The following MYOM2 variants were observed in gnomAD, a reference collection of about 807,000 sequenced individuals.
The protein encoded by MYOM2 is myomesin 2, also known as myomesin-2.
A neutral mutation model predicts 187.6 loss-of-function variants in MYOM2; 254 were observed. The observed-to-expected ratio is 1.35, with a 90% CI of 1.22 to 1.50. MYOM2 has a LOEUF of 1.50. Ranked by LOEUF, MYOM2 falls within the 40% of genes most tolerant of loss-of-function variation. The pLI is 0.00. For synonymous variants in MYOM2, 981 were observed against 753.8 expected, an observed-to-expected ratio of 1.30 and a Z score of -4.94; for missense variants, 2,796 against 1,924.0, an observed-to-expected ratio of 1.45 and a Z score of -8.48.
chr8:2,092,242 C>G, intron 15 of MYOM2, 104 bp from the exon 16 acceptor site: 3 of 1,360,714 alleles, frequency 2.2e-6, no homozygotes, highest in Non-Finnish European at 3.0e-6. Flanking sequence ...TCCAAAGCCC[C>G]CAGTCTGGCT....
chr8:2,085,463 CCA>C (rs1242578283), intron 14 of MYOM2, 73 bp downstream of exon 14: 39 of 1,532,768 alleles, frequency 2.5e-5, no homozygotes, highest in Middle Eastern at 1.9e-4. Context: ...TCTGCGTGGC[CCA>C]CCGCTGTCGT....
Position 2,085,395 on chromosome 8 carries a change from A to ACCTT in MYOM2, c.1644+6_1644+7insCTTC. 6.2e-7 allele frequency: 1 copy of ACCTT among 1,602,858 alleles called. No individual in the cohort carries two copies. Among genetic ancestry groups the ACCTT allele is most frequent in the Non-Finnish European group, 8.5e-7 (1 of 1,175,390 alleles). On this transcript the variant is annotated splice_donor_region_variant and intron_variant, in intron 14 of 36. Coordinates refer to ENST00000262113, the MANE Select transcript of MYOM2 (RefSeq NM_003970.4). ...CTCATGTACTTCATTGAGAAGGTAA[A>ACCTT]CTCCGGGCCCGTGTCCTGGAAAAGT...
Position 2,094,141 on chromosome 8 carries a change from T to C in MYOM2, c.2125+50T>C, listed in dbSNP as rs373870280. 4.4e-6 allele frequency: 7 copies of C among 1,598,660 alleles called. No individual in the cohort carries two copies. The African/African-American group carries it at 8.0e-5, about 18-fold the overall frequency. On this transcript the variant is annotated intron_variant, in intron 17 of 36. Transcript: ENST00000262113. ...TGCCGATTGCTCCCATACACTGTCA[T>C]TTCTGCATGAATAAACATTTGTGAT...
chr8:2,073,406 C>T lies in MYOM2; in HGVS notation c.1026C>T (p.Phe342=), dbSNP rs1819304109. 1 of 1,613,416 alleles carries T rather than the reference C, an allele frequency of 6.2e-7. No individual in the cohort carries two copies. ...GAGAAGGCCAGGCCTCCCTGTCCTT[C>T]AGCCACCTGCACAAGGACGACGAGG... ...FFGEGQASLS[F]SHLHKDDEGL... is the part of the protein sequence containing the mutation. Residue 342 remains phenylalanine, a synonymous_variant, in exon 10 of 37, where the codon TTC becomes TTT. Transcript: ENST00000262113.
rs536061720 is a variant in MYOM2 at position 2,082,708 on chromosome 8, A to C, written c.1517-2555A>C. ...CACAGAATATAATAAGAGCGTTTTT[A>C]CTCTACTGTTCTACTGTGTTATTCT... On this transcript the variant is annotated intron_variant, in intron 13 of 36. Transcript: ENST00000262113. Among the ~76,000 whole-genome samples, 5 of 152,168 alleles carry C rather than the reference A, an allele frequency of 3.3e-5. 1 individual carries two copies. In the South Asian group the frequency reaches 8.3e-4, roughly 25 times the overall value.
intron 12 of MYOM2, 88 bp downstream of exon 12, chr8:2,079,021 G>A (rs1476432856): frequency 6.9e-6 from 9 of 1,312,536 alleles, no homozygotes; most frequent in Non-Finnish European, 9.8e-6. Flanking sequence ...CTCCCAACTC[G>A]ATGTGAGCCC....
intron 18 of MYOM2, among the ~76,000 whole-genome samples, chr8:2,097,723 C>T (rs62478396): frequency 0.056 from 8,595 of 152,222 alleles, 333 homozygotes; most frequent in South Asian, 0.082. Flanking sequence ...CACCATGTTG[C>T]CCAGGTTGGT....
intron 35 of MYOM2, among the ~76,000 whole-genome samples, 173 bp downstream of exon 35, chr8:2,142,570 C>T (rs554435960): frequency 1.3e-5 from 2 of 152,238 alleles, no homozygotes; most frequent in Admixed American, 1.3e-4. Flanking sequence ...TCCTGCACCA[C>T]TGATCCTTGC....
chr8:2,055,499 C>CTG (rs1186746309), intron 3 of MYOM2, among the ~76,000 whole-genome samples: 1 of 151,882 alleles, frequency 6.6e-6, no homozygotes, highest in African/African-American at 2.4e-5. Context: ...TAGGGAAAGG[C>CTG]TGTGTGTGTG....
rs182333185 is a variant in MYOM2, at chr8:2,102,942, G to C, written c.2734+161G>C. ...GGTCTGTAGATAAATGAATGGGAGA[G>C]TGTGCATGTGTTACGTGTACATGTA... On this transcript the variant is annotated intron_variant, in intron 21 of 36. Coordinates refer to ENST00000262113, the MANE Select transcript of MYOM2 (RefSeq NM_003970.4). Among the ~76,000 whole-genome samples the C allele has an allele frequency of 7.2e-5, 11 of 152,184 alleles. No individual in the cohort carries two copies. The East Asian group carries it at 1.9e-3, about 27-fold the overall frequency.
chr8:2,062,206 C>A (rs111357999), intron 6 of MYOM2, among the ~76,000 whole-genome samples: 164 of 152,252 alleles, frequency 1.1e-3, no homozygotes, highest in Non-Finnish European at 1.8e-3. Flanking sequence ...ACGGGGACCC[C>A]GTGGGCCATT....
In MYOM2 at chr8:2,129,237, G is replaced by T; in HGVS notation, c.3800+5G>T. The stretch of plus-strand genomic sequence containing the variant: ...GAAAGTGAACTGGTGTCACAAGTAA[G>T]TATGACAGCAGCCGATGGAGGCCAT... On this transcript the variant is annotated splice_donor_5th_base_variant and intron_variant, in intron 32 of 36. Transcript: ENST00000262113. 3 of 1,593,388 alleles carry T rather than the reference G, an allele frequency of 1.9e-6. No homozygotes were observed. The highest frequency in any genetic ancestry group is 8.6e-7 in the Non-Finnish European group (1 of 1,161,710).
At chr8:2,129,852 A>T (rs1797790984) in intron 32 of MYOM2, among the ~76,000 whole-genome samples, 1 of 152,170 alleles carries the variant, frequency 6.6e-6, no homozygotes, top group Non-Finnish European at 1.5e-5. Context: ...ACAACCAGGC[A>T]AACTGCTGGC....
At chr8:2,075,735 C>G (rs1036067227) in intron 10 of MYOM2, among the ~76,000 whole-genome samples, 7 of 152,162 alleles carry the variant, frequency 4.6e-5, no homozygotes, top group Non-Finnish European at 1.0e-4. Flanking sequence ...CGCCCAATTT[C>G]CTAAGGATTT....
intron 25 of MYOM2, among the ~76,000 whole-genome samples, chr8:2,111,281 TAA>T (rs1797060260): frequency 6.6e-6 from 1 of 152,236 alleles, no homozygotes; most frequent in Non-Finnish European, 1.5e-5. Context: ...GGAAGACATA[TAA>T]AAGTCTGTAT....
At chr8:2,057,260 G>A (rs1818695812) in intron 3 of MYOM2, 88 bp from the exon 4 acceptor site, 2 of 1,466,554 alleles carry the variant, frequency 1.4e-6, no homozygotes, top group Non-Finnish European at 1.8e-6. Flanking sequence ...ACCCTAGGGA[G>A]AGAATGGGCA....
At position 2,076,288 on chromosome 8, in the gene MYOM2, C is replaced by G. The variant is rs368556009; in HGVS notation, c.1262+6C>G. 4 of 1,612,712 alleles carry G rather than the reference C, an allele frequency of 2.5e-6. No individual in the cohort carries two copies. In the African/African-American group the frequency reaches 5.3e-5, roughly 22 times the overall value. Reference sequence around the variant, plus strand: ...ATGGGCTATTTTGTGGACCGGTGAGCGTCTTGCATTCTCCCGGGGATGGGA... The same window carrying G: ...ATGGGCTATTTTGTGGACCGGTGAGGGTCTTGCATTCTCCCGGGGATGGGA... On this transcript the variant is annotated splice_donor_region_variant and intron_variant, in intron 11 of 36. Coordinates refer to ENST00000262113, the MANE Select transcript of MYOM2 (RefSeq NM_003970.4).
intron 27 of MYOM2, among the ~76,000 whole-genome samples, chr8:2,117,412 A>ATCTAAAGAAAATGTGTT (rs1245929566): frequency 6.6e-6 from 1 of 152,222 alleles, no homozygotes; most frequent in East Asian, 1.9e-4. Context: ...TTTGAATGCT[A>ATCTAAAGAAAATGTGTT]TCTAAAGAAA....
In MYOM2 at chr8:2,057,773, G is replaced by A. The variant is rs1818720615; in HGVS notation, c.553G>A (p.Val185Met). Reference protein sequence around the residue: ...FTVQGFPTPVVQWYKDGSLIC... With the variant: ...FTVQGFPTPVMQWYKDGSLIC... ...CGTGCAAGGATTTCCCACGCCCGTG[G>A]TGCAGTGGTGAGGGGCTCTGTTCCC... The change falls in exon 5 of 37, where the codon GTG (valine) becomes ATG (methionine). Residue 185 changes from valine (V) to methionine (M), a missense_variant. Physicochemically the swap from Val to Met is conservative, Grantham distance 21 (BLOSUM62 1). Transcript: ENST00000262113. 6.2e-7 allele frequency: 1 copy of A among 1,614,048 alleles called. No homozygotes were observed. The highest frequency in any genetic ancestry group is 8.5e-7 in the Non-Finnish European group (1 of 1,179,982).
Sources: gnomAD v4.1 joint callset for allele counts (sites outside exome capture counted in the v4.1 genomes callset) on GRCh38, gnomAD v4.1.1 for gene constraint, MANE v1.5 for transcripts, NCBI Gene and HGNC (gene_info 2026-07-23, HGNC 2026-07-21) for gene names.